The following TIMM9 variants were observed in gnomAD, a reference collection of about 807,000 sequenced individuals.
The protein encoded by TIMM9 is mitochondrial import inner membrane translocase subunit Tim9.
A neutral mutation model predicts 13.4 loss-of-function variants in TIMM9; 10 were observed. The ratio of observed to expected loss-of-function variants is 0.75; its 90% CI spans 0.46 to 1.26. The LOEUF (loss-of-function observed/expected upper bound fraction) is 1.26. Among genes scored for constraint, TIMM9 ranks in the 50% most tolerant of loss-of-function variants. The probability of loss-of-function intolerance (pLI) is 0.00; values close to 1 mark genes in which losing one functional copy is unlikely to be tolerated. For missense variants in TIMM9, 87 were observed against 100.8 expected (o/e 0.86, Z 0.58); for synonymous variants, 32 against 32.1 (o/e 1.00, Z 0.01).
At chr14:58,425,559 AG>A (rs1332631360) in intron 2 of TIMM9, among the ~76,000 whole-genome samples, 1 of 151,834 alleles carries the variant, frequency 6.6e-6, no homozygotes, top group Non-Finnish European at 1.5e-5. Flanking sequence ...AAAAAAAAAA[AG>A]AGGGAAAGGA....
At position 58,409,166 on chromosome 14, in the gene TIMM9, G is replaced by A. The variant is rs2036126533; in HGVS notation, c.138C>T (p.Thr46=). 6.2e-7 allele frequency: 1 copy of A among 1,610,164 alleles called. No homozygotes were observed. The highest frequency in any genetic ancestry group is 1.3e-5 in the African/African-American group (1 of 74,602). ...TCTGTAAGCAATGTTCTGAACAGGT[G>A]GTCTAGGAATGAAAAGGGAAGATCC... is the stretch of plus-strand genomic sequence containing the variant. ...FTTREVKPEE[T]TCSEHCLQKY... Residue 46 remains threonine, a splice_region_variant and synonymous_variant, in exon 6 of 6, where the codon ACC becomes ACT. Coordinates refer to ENST00000395159, the MANE Select transcript of TIMM9 (RefSeq NM_012460.4).
At chr14:58,426,349 GC>G (rs1213699370) in intron 2 of TIMM9, among the ~76,000 whole-genome samples, 1 of 151,514 alleles carries the variant, frequency 6.6e-6, no homozygotes, top group Non-Finnish European at 1.5e-5. Context: ...GGGACTACAG[GC>G]GCGCGCCACC....
chr14:58,417,627 G>A (rs1450900355), intron 3 of TIMM9, among the ~76,000 whole-genome samples: 1 of 127,340 alleles, frequency 7.9e-6, no homozygotes, highest in African/African-American at 3.1e-5. Flanking sequence ...GGAGGGAAGG[G>A]AGGGAGGGAG....
chr14:58,411,838 G>T, intron 4 of TIMM9, 69 bp downstream of exon 4: 2 of 1,447,548 alleles, frequency 1.4e-6, no homozygotes, highest in South Asian at 1.1e-5. Context: ...CACCCAGCCT[G>T]ACATGGTGGC....
chr14:58,409,068 G>T lies in TIMM9; in HGVS notation c.236C>A (p.Ala79Glu), dbSNP rs778415722. 3.7e-6 allele frequency: 6 copies of T among 1,613,694 alleles called. No individual in the cohort carries two copies. The highest frequency in any genetic ancestry group is 4.2e-6 in the Non-Finnish European group (5 of 1,179,928). ...TTGGCCAAGGAGTCCTGCTTTGGCT[G>T]CCAGGGCTTCATTCTGCTGAATATG... ...EYHIQQNEAL[A>E]AKAGLLGQPR The change falls in exon 6 of 6, where the codon GCA becomes GAA. Residue 79 changes from alanine to glutamate, a missense_variant. Transcript: ENST00000395159.
At chr14:58,419,170 C>T (rs2140333890) in intron 3 of TIMM9, among the ~76,000 whole-genome samples, 1 of 152,156 alleles carries the variant, frequency 6.6e-6, no homozygotes, top group South Asian at 2.1e-4. Context: ...AAAAACCCAA[C>T]TGGCCAGGTG....
chr14:58,423,908 T>C (rs1269102046), intron 3 of TIMM9, 100 bp downstream of exon 3: 2 of 152,224 alleles, frequency 1.3e-5, no homozygotes, highest in African/African-American at 4.8e-5. Context: ...ATCTTGGGAA[T>C]GATTACAATG....
chr14:58,409,900 A>G (rs1406371798), intron 5 of TIMM9, among the ~76,000 whole-genome samples: 2 of 151,830 alleles, frequency 1.3e-5, no homozygotes, highest in African/African-American at 2.4e-5. Context: ...TTTTTGAGAC[A>G]GGTTCTCTCT....
intron 3 of TIMM9, among the ~76,000 whole-genome samples, chr14:58,413,358 T>C (rs139692198): frequency 1.0e-3 from 154 of 152,364 alleles, no homozygotes; most frequent in African/African-American, 3.5e-3. Context: ...GTTCTATTAA[T>C]AGTTAACAAA....
chr14:58,411,757 G>C (rs1170054397), intron 4 of TIMM9, 150 bp downstream of exon 4: 2 of 663,308 alleles, frequency 3.0e-6, no homozygotes, highest in Admixed American at 2.8e-5. Flanking sequence ...GGCTGGTCTT[G>C]AACTCCTGAC....
At chr14:58,418,332 C>CA (rs1245017262) in intron 3 of TIMM9, among the ~76,000 whole-genome samples, 2 of 151,944 alleles carry the variant, frequency 1.3e-5, no homozygotes, top group African/African-American at 4.8e-5. Context: ...ACAGCATGTA[C>CA]AAAAAAACCT....
chr14:58,408,854 G>T lies in TIMM9; in HGVS notation c.*180C>A. The T allele has an allele frequency of 2.3e-6, 2 of 860,514 alleles. No homozygotes were observed. The highest frequency in any genetic ancestry group is 3.5e-6 in the Non-Finnish European group (2 of 578,258). 53.3% of individuals were successfully genotyped at this position (860,514 alleles called of 1,614,324 possible). A position where few individuals can be genotyped will look rare whatever the true frequency, so the allele number is the denominator to read the frequency against. Reference sequence around the variant, plus strand: ...TCACTGAACAATAAGACCTTCTATTGTGATTATTCCTGGTAAATAGCAATT... The same window carrying T: ...TCACTGAACAATAAGACCTTCTATTTTGATTATTCCTGGTAAATAGCAATT... On this transcript the variant is annotated 3_prime_UTR_variant, in exon 6 of 6. Transcript: ENST00000395159.
chr14:58,408,553 C>CAGG lies in TIMM9; in HGVS notation c.*478_*480dup, dbSNP rs762739617. The CAGG allele has an allele frequency of 6.2e-7, 1 of 1,613,920 alleles. No individual in the cohort carries two copies. Among genetic ancestry groups the CAGG allele is most frequent in the Non-Finnish European group, 8.5e-7 (1 of 1,179,974 alleles). ...GCAATTTGAGGCAGACATGAATGAA[C>CAGG]AGGACTGCTTGGAGGATGATCCTGA... is the stretch of plus-strand genomic sequence containing the variant. On this transcript the variant is annotated 3_prime_UTR_variant, in exon 6 of 6. Coordinates refer to ENST00000395159, the MANE Select transcript of TIMM9 (RefSeq NM_012460.4).
chr14:58,425,640 C>A (rs2036721501), intron 2 of TIMM9, among the ~76,000 whole-genome samples: 1 of 151,944 alleles, frequency 6.6e-6, no homozygotes, highest in Non-Finnish European at 1.5e-5. Flanking sequence ...AGAGTGCCTA[C>A]ACTCAGATCT....
intron 4 of TIMM9, among the ~76,000 whole-genome samples, chr14:58,411,454 A>G (rs1245382620): frequency 6.6e-6 from 1 of 151,978 alleles, no homozygotes; most frequent in Non-Finnish European, 1.5e-5. Context: ...TCCAAAAAAA[A>G]AAAGAACAAG....
At chr14:58,422,406 G>C (rs2036614738) in intron 3 of TIMM9, among the ~76,000 whole-genome samples, 1 of 152,126 alleles carries the variant, frequency 6.6e-6, no homozygotes. Context: ...ATGAGCCACT[G>C]TGCCCAGTCG....
At chr14:58,422,714 ACCATTC>A (rs2036624562) in intron 3 of TIMM9, among the ~76,000 whole-genome samples, 3 of 152,204 alleles carry the variant, frequency 2.0e-5, no homozygotes, top group Non-Finnish European at 2.9e-5. Context: ...AGATAGTTCT[ACCATTC>A]ACAGACCACT....
At chr14:58,415,035 G>A (rs567328077) in intron 3 of TIMM9, among the ~76,000 whole-genome samples, 19 of 152,324 alleles carry the variant, frequency 1.2e-4, no homozygotes, top group African/African-American at 4.1e-4. Flanking sequence ...CATGGGGAGA[G>A]TAACAAAGCA....
chr14:58,414,008 G>GGAAAAA (rs755857225), intron 3 of TIMM9, among the ~76,000 whole-genome samples: 1 of 24,172 alleles, frequency 4.1e-5, no homozygotes, highest in Non-Finnish European at 6.4e-5. Context: ...TTCCGTCTCA[G>GGAAAAA]AAAAAAAAAA....
Sources: gnomAD v4.1 joint callset for allele counts (sites outside exome capture counted in the v4.1 genomes callset) on GRCh38, gnomAD v4.1.1 for gene constraint, MANE v1.5 for transcripts, NCBI Gene and HGNC (gene_info 2026-07-23, HGNC 2026-07-21) for gene names.